Variants in LIG3 observed in about 807,000 individuals in gnomAD.
LIG3 encodes the protein ligase II, DNA, ATP-dependent.
In LIG3, 58 loss-of-function variants were observed where a neutral mutation model predicts 110.9. The observed-to-expected ratio is 0.52, with a 90% confidence interval of 0.42 to 0.65. LIG3 has a LOEUF of 0.65. LIG3 is among the 30% of genes least tolerant of loss of function. The pLI is 0.00. For synonymous variants in LIG3, 422 were observed against 472.8 expected, an observed-to-expected ratio of 0.89 and a Z score of 1.39; for missense variants, 1,094 against 1,273.8, an observed-to-expected ratio of 0.86 and a Z score of 2.15.
chr17:34,999,055 G>A, intron 14 of LIG3: 2 of 519,292 alleles, frequency 3.9e-6, no homozygotes, highest in South Asian at 6.4e-5. Flanking sequence ...ATACTTTTAA[G>A]CAATCTATCA....
intron 17 of LIG3, 31 bp from the exon 18 acceptor site, chr17:35,001,878 A>G (rs1483833849): frequency 6.3e-7 from 1 of 1,590,712 alleles, no homozygotes; most frequent in Non-Finnish European, 8.5e-7. Context: ...AAGGCAATGA[A>G]ACCCTCTGAC....
At position 35,002,787 on chromosome 17, in the gene LIG3, A is replaced by C. The variant is rs2090857868; in HGVS notation, c.2794A>C (p.Lys932Gln). 1 of 1,597,306 alleles carries C rather than the reference A, an allele frequency of 6.3e-7. No individual in the cohort carries two copies. Residue 932 changes from lysine (K) to glutamine (Q), a missense_variant and splice_region_variant, in exon 19 of 20, where the codon AAG becomes CAG. Coordinates refer to ENST00000378526, the MANE Select transcript of LIG3 (RefSeq NM_013975.4). The part of the protein sequence containing the change: ...KAADETLCQT[K>Q]VLLDIFTGVR... ...TGCTGATGAGACGCTGTGCCAAACA[A>C]AGGTGAGGGTAAAAACAGCAACACA...
intron 11 of LIG3, chr17:34,997,437 A>C: frequency 3.2e-6 from 1 of 315,122 alleles, no homozygotes; most frequent in Non-Finnish European, 6.2e-6. Context: ...TCGTATTTCA[A>C]GTGGGACCAG....
rs368364071 is a variant in LIG3 at position 34,987,383 on chromosome 17, G to A, written c.691+1252G>A. Among the ~76,000 whole-genome samples, 219 of 152,276 alleles carry A rather than the reference G, an allele frequency of 1.4e-3. 1 individual carries two copies. Among genetic ancestry groups the A allele is most frequent in the African/African-American group, 5.1e-3 (214 of 41,560 alleles). ...CCTTTTTATGACTGAGAAAGTTGAC[G>A]TTCAGGGTTATCATGGAGTTAGTAT... is the stretch of plus-strand genomic sequence containing the variant. On this transcript the variant is annotated intron_variant, in intron 3 of 19. Transcript: ENST00000378526.
intron 10 of LIG3, 86 bp from the exon 11 acceptor site, chr17:34,996,488 G>A (rs1343697907): frequency 9.3e-7 from 1 of 1,072,360 alleles, no homozygotes; most frequent in South Asian, 1.3e-5. Context: ...GTGCCTCAGG[G>A]GGCCTCCAGA....
rs544401560 is a variant in LIG3, at chr17:35,004,122, G to T, written c.2797-151G>T. ...CCTGTATAATTTGGAGTGACTGGAGGGGTGGGGGTATTGATGCATGGTATT... is the reference window on the plus strand; with the variant it reads ...CCTGTATAATTTGGAGTGACTGGAGTGGTGGGGGTATTGATGCATGGTATT... On this transcript the variant is annotated intron_variant, in intron 19 of 19. Transcript: ENST00000378526. 13 of 622,396 alleles carry T rather than the reference G, an allele frequency of 2.1e-5. No individual in the cohort carries two copies. In the South Asian group the frequency reaches 2.1e-4, roughly 10 times the overall value. 38.6% of individuals were successfully genotyped at this position (622,396 alleles called of 1,614,324 possible).
At chr17:35,001,480 A>G in intron 17 of LIG3, 77 bp downstream of exon 17, 2 of 1,419,598 alleles carry the variant, frequency 1.4e-6, no homozygotes, top group East Asian at 4.7e-5. Context: ...TAGACCATTC[A>G]CATGTCCTCT....
intron 1 of LIG3, chr17:34,981,645 A>G (rs1339705483): frequency 2.0e-5 from 3 of 152,266 alleles, no homozygotes; most frequent in African/African-American, 7.2e-5. Flanking sequence ...AGTAAACTGT[A>G]CAGTCAGACT....
intron 7 of LIG3, among the ~76,000 whole-genome samples, 184 bp downstream of exon 7, chr17:34,992,219 G>A (rs755571726): frequency 5.3e-5 from 8 of 152,226 alleles, no homozygotes; most frequent in Non-Finnish European, 7.3e-5. Flanking sequence ...ATAAAATGGA[G>A]ATAACAGTAC....
chr17:34,995,433 C>T (rs1205694349), intron 9 of LIG3, among the ~76,000 whole-genome samples: 3 of 152,188 alleles, frequency 2.0e-5, no homozygotes, highest in African/African-American at 7.2e-5. Context: ...TTAGTCCTTT[C>T]CTTAATTTTC....
In LIG3 at chr17:35,001,374, A is replaced by C; in HGVS notation, c.2449A>C (p.Lys817Gln). ...CCGAATCCGAGATGATAAGGACTGG[A>C]AATCTGCCACTAACCTTCCCCAACT... The part of the protein sequence containing the change: ...CTRIRDDKDW[K>Q]SATNLPQLKE... Residue 817 changes from lysine to glutamine, a missense_variant, in exon 17 of 20, where the codon AAA becomes CAA. Coordinates refer to ENST00000378526, the MANE Select transcript of LIG3 (RefSeq NM_013975.4). The C allele has an allele frequency of 6.2e-7, 1 of 1,614,170 alleles. No homozygotes were observed. Among genetic ancestry groups the C allele is most frequent in the East Asian group, 2.2e-5 (1 of 44,890 alleles).
chr17:34,992,924 G>T (rs2142259717), intron 8 of LIG3, among the ~76,000 whole-genome samples: 1 of 152,328 alleles, frequency 6.6e-6, no homozygotes, highest in South Asian at 2.1e-4. Context: ...CCACCAAGAT[G>T]CTGTAGAATC....
chr17:34,986,984 CT>C (rs1191498050), intron 3 of LIG3, among the ~76,000 whole-genome samples: 25 of 152,316 alleles, frequency 1.6e-4, no homozygotes, highest in African/African-American at 6.0e-4. Flanking sequence ...AGCTTGCAGA[CT>C]TTGGAATCAG....
At chr17:34,992,724 G>T (rs747416129) in intron 8 of LIG3, 32 bp downstream of exon 8, 4 of 1,530,500 alleles carry the variant, frequency 2.6e-6, no homozygotes, top group Non-Finnish European at 3.5e-6. Context: ...CTGCTTTCCA[G>T]CCTCTCCAAG....
rs576871263 is a variant in LIG3, at chr17:34,986,318, T to G, written c.691+187T>G. Among the ~76,000 whole-genome samples the G allele has an allele frequency of 3.2e-4, 48 of 152,178 alleles. No homozygotes were observed. The South Asian group carries it at 9.5e-3, about 30-fold the overall frequency. On this transcript the variant is annotated intron_variant, in intron 3 of 19. Transcript: ENST00000378526. ...CTTGGTTTTTGTTTGTTTGTTTGTT[T>G]TTTGGTTTTGGGGGTTTTTTTGAGA... is the stretch of plus-strand genomic sequence containing the variant.
chr17:34,991,595 CTT>C, intron 5 of LIG3, 74 bp from the exon 6 acceptor site: 5 of 1,447,132 alleles, frequency 3.5e-6, no homozygotes, highest in Non-Finnish European at 4.8e-6. Context: ...CTTGATTCAT[CTT>C]CAGTCCTGGG....
chr17:34,989,349 C>A, intron 3 of LIG3, 117 bp from the exon 4 acceptor site: 1 of 907,674 alleles, frequency 1.1e-6, no homozygotes, highest in Non-Finnish European at 1.7e-6. Context: ...CCCCAAAAGT[C>A]TATTCGGGGA....
At chr17:34,989,735 T>G in intron 4 of LIG3, 72 bp downstream of exon 4, 2 of 1,413,276 alleles carry the variant, frequency 1.4e-6, no homozygotes. Flanking sequence ...CCTGGGCATG[T>G]GAGCTGTATA....
intron 4 of LIG3, 154 bp downstream of exon 4, chr17:34,989,817 C>T: frequency 1.4e-6 from 1 of 691,954 alleles, no homozygotes; most frequent in Non-Finnish European, 2.4e-6. Context: ...TAATTTTGAA[C>T]AAGGGGCCTC....
Sources: gnomAD v4.1 joint callset for allele counts (sites outside exome capture counted in the v4.1 genomes callset) on GRCh38, gnomAD v4.1.1 for gene constraint, MANE v1.5 for transcripts, NCBI Gene and HGNC (gene_info 2026-07-23, HGNC 2026-07-21) for gene names.